RAPGEF1: variants seen among roughly 807,000 people sequenced by gnomAD.
RAPGEF1 encodes CRK SH3-binding GNRP.
RAPGEF1 carries 33 observed loss-of-function variants against 143.3 expected under a neutral mutation model. That is an observed-to-expected ratio of 0.23 (90% confidence interval 0.17 to 0.31). The LOEUF is 0.31. RAPGEF1 is among the 10% of genes least tolerant of loss of function. The pLI is 1.00. For missense variants in RAPGEF1, 1,199 were observed against 1,645.4 expected (o/e 0.73, Z 4.69); for synonymous variants, 629 against 676.5 (o/e 0.93, Z 1.09).
In RAPGEF1 at chr9:131,650,306, G is replaced by C; in HGVS notation, c.202-64C>G. The C allele has an allele frequency of 7.7e-7, 1 of 1,304,700 alleles. No individual in the cohort carries two copies. The highest frequency in any genetic ancestry group is 1.1e-6 in the Non-Finnish European group (1 of 922,854). 80.8% of individuals were successfully genotyped at this position (1,304,700 alleles called of 1,614,324 possible). ...ATGGCTGTTTGAGGCCGAAGGGAGG[G>C]GTTGATGAAAGTCAATAGCTGTTTC... On this transcript the variant is annotated intron_variant, in intron 2 of 26. Transcript: ENST00000683357. The surrounding 1 kb of genome is among the most constrained non-coding windows in gnomAD (Gnocchi z 4.7).
chr9:131,637,917 C>T (rs1371455502), intron 5 of RAPGEF1, among the ~76,000 whole-genome samples: 1 of 152,160 alleles, frequency 6.6e-6, no homozygotes, highest in African/African-American at 2.4e-5. Context: ...TAAGGCTGGC[C>T]CCTTTCTACT....
chr9:131,654,712 C>A (rs1972002811), intron 1 of RAPGEF1, among the ~76,000 whole-genome samples: 1 of 152,138 alleles, frequency 6.6e-6, no homozygotes, highest in Admixed American at 6.5e-5. Flanking sequence ...GCTTGGGGGA[C>A]AAGTTCCCTG....
rs759109977 is a variant in RAPGEF1, at chr9:131,580,249, G to C, written c.3641+14C>G. On this transcript the variant is annotated intron_variant, in intron 26 of 26. Transcript: ENST00000683357. ...CTCAGCTCTGCCTGGTCCCCCCGGGGCAGTGGCACTCACGCCTGCTGGAAG... is the reference window on the plus strand; with the variant it reads ...CTCAGCTCTGCCTGGTCCCCCCGGGCCAGTGGCACTCACGCCTGCTGGAAG... The C allele has an allele frequency of 6.2e-7, 1 of 1,613,584 alleles. No homozygotes were observed. Among genetic ancestry groups the C allele is most frequent in the Non-Finnish European group, 8.5e-7 (1 of 1,179,644 alleles).
At chr9:131,635,456 G>C (rs1966116165) in intron 5 of RAPGEF1, among the ~76,000 whole-genome samples, 1 of 151,812 alleles carries the variant, frequency 6.6e-6, no homozygotes, top group Non-Finnish European at 1.5e-5. Context: ...ACAACTGAAT[G>C]GGTTACGTAA....
rs75528683 is a variant in RAPGEF1 at position 131,712,932 on chromosome 9, G to A, written c.61+26838C>T. 7.0e-4 allele frequency among the ~76,000 whole-genome samples: 106 copies of A among 152,204 alleles called. No homozygotes were observed. In the East Asian group the frequency reaches 0.015, roughly 22 times the overall value. On this transcript the variant is annotated intron_variant, in intron 1 of 26. Coordinates refer to ENST00000683357, the MANE Select transcript of RAPGEF1 (RefSeq NM_001377935.1). ...CTCTCTAATCCCCAGCTCAGAAAGC[G>A]TCTTTTACAGTCATCCCCTCTGCAG... is the stretch of plus-strand genomic sequence containing the variant.
intron 1 of RAPGEF1, among the ~76,000 whole-genome samples, chr9:131,716,960 G>A (rs1017157677): frequency 2.6e-5 from 4 of 152,102 alleles, no homozygotes; most frequent in South Asian, 2.1e-4. Context: ...TGCCTGCACT[G>A]TAGCTCCTGT....
chr9:131,593,723 G>A (rs982338350), intron 17 of RAPGEF1, among the ~76,000 whole-genome samples: 1 of 152,224 alleles, frequency 6.6e-6, no homozygotes, highest in Non-Finnish European at 1.5e-5. Flanking sequence ...GAGGCTCCGG[G>A]CTGGGAATCA....
Position 131,714,329 on chromosome 9 carries a change from AT to A in RAPGEF1, c.61+25440del, listed in dbSNP as rs112187233. Among the ~76,000 whole-genome samples the A allele has an allele frequency of 3.1e-3, 446 of 142,336 alleles. 1 individual carries two copies. The highest frequency in any genetic ancestry group is 3.0e-3 in the Admixed American group (42 of 14,220). 93.4% of individuals were successfully genotyped at this position (142,336 alleles called of 152,430 possible). A position where few individuals can be genotyped will look rare whatever the true frequency, so the allele number is the denominator to read the frequency against. The stretch of plus-strand genomic sequence containing the variant: ...AGGCGGTGCTCACTTCTTGAAGGAG[AT>A]TTTTTTTTTTTTTTAGATAGAAATG... On this transcript the variant is annotated intron_variant, in intron 1 of 26. Coordinates refer to ENST00000683357, the MANE Select transcript of RAPGEF1 (RefSeq NM_001377935.1).
At chr9:131,719,193 A>G (rs568700742) in intron 1 of RAPGEF1, among the ~76,000 whole-genome samples, 4 of 152,176 alleles carry the variant, frequency 2.6e-5, no homozygotes, top group Non-Finnish European at 5.9e-5. Context: ...ATCATGACTA[A>G]TATGTCATCC....
At chr9:131,672,241 C>T (rs572356325) in intron 1 of RAPGEF1, among the ~76,000 whole-genome samples, 2 of 152,328 alleles carry the variant, frequency 1.3e-5, no homozygotes, top group Non-Finnish European at 1.5e-5. Context: ...CGGTAAGAAA[C>T]GTATTTTATA....
chr9:131,612,429 A>T (rs1290436485), intron 12 of RAPGEF1, among the ~76,000 whole-genome samples: 1 of 142,032 alleles, frequency 7.0e-6, no homozygotes, highest in Non-Finnish European at 1.6e-5. Context: ...AAACAGCTGC[A>T]TCAGAGTGGT....
chr9:131,651,113 A>G (rs539850787), intron 1 of RAPGEF1, among the ~76,000 whole-genome samples, 164 bp from the exon 2 acceptor site: 12 of 152,362 alleles, frequency 7.9e-5, no homozygotes, highest in South Asian at 6.2e-4. Flanking sequence ...ATTTCTGCTT[A>G]CATGCTTCAA....
At chr9:131,696,831 C>T (rs2320273) in intron 1 of RAPGEF1, among the ~76,000 whole-genome samples, 42,740 of 152,084 alleles carry the variant, frequency 0.28, 6,011 homozygotes, top group South Asian at 0.36. Flanking sequence ...CTTTAACCAA[C>T]GATTTACAAT....
At chr9:131,731,679 C>T (rs1278902829) in intron 1 of RAPGEF1, among the ~76,000 whole-genome samples, 2 of 152,246 alleles carry the variant, frequency 1.3e-5, no homozygotes, top group Non-Finnish European at 1.5e-5. Context: ...TGAAATCCGC[C>T]CCTCTGAACC....
intron 1 of RAPGEF1, among the ~76,000 whole-genome samples, chr9:131,698,949 G>A (rs142037735): frequency 1.6e-4 from 25 of 152,342 alleles, no homozygotes; most frequent in African/African-American, 6.0e-4. Context: ...AGCAAGGACT[G>A]TAAATACTCA....
intron 12 of RAPGEF1, among the ~76,000 whole-genome samples, chr9:131,607,940 G>C (rs1957374639): frequency 6.6e-6 from 1 of 152,196 alleles, no homozygotes; most frequent in Non-Finnish European, 1.5e-5. Flanking sequence ...ATCATATAGT[G>C]TGTTTAGCCG....
intron 1 of RAPGEF1, among the ~76,000 whole-genome samples, chr9:131,704,198 C>T (rs1264074979): frequency 1.3e-5 from 2 of 151,294 alleles, no homozygotes; most frequent in Non-Finnish European, 2.9e-5. Flanking sequence ...TATTGCAGCA[C>T]CCAGCCCTTG....
chr9:131,602,016 C>T (rs763367052), intron 15 of RAPGEF1, 45 bp downstream of exon 15: 37 of 1,453,626 alleles, frequency 2.5e-5, no homozygotes, highest in East Asian at 4.9e-5. Context: ...CATGAGTGGG[C>T]GCACTGCTCT....
chr9:131,636,837 G>A (rs889568931), intron 5 of RAPGEF1, among the ~76,000 whole-genome samples: 3 of 152,110 alleles, frequency 2.0e-5, no homozygotes, highest in Non-Finnish European at 1.5e-5. Context: ...CCAAATCCTG[G>A]AAAGGGCCAT....
Sources: gnomAD v4.1 joint callset for allele counts (sites outside exome capture counted in the v4.1 genomes callset) on GRCh38, gnomAD v4.1.1 for gene constraint, Gnocchi (gnomAD v3.1) non-coding constraint, MANE v1.5 for transcripts, NCBI Gene and HGNC (gene_info 2026-07-23, HGNC 2026-07-21) for gene names.